The following SULF2 variants were observed in gnomAD, a reference collection of about 807,000 sequenced individuals.
SULF2 encodes extracellular sulfatase Sulf-2.
In SULF2, 52 loss-of-function variants were observed where a neutral mutation model predicts 107.7. That is an observed-to-expected ratio of 0.48 (90% CI 0.39 to 0.61). The LOEUF is 0.61. SULF2 is among the 20% of genes least tolerant of loss of function. The probability of loss-of-function intolerance (pLI) is 0.00; values close to 1 mark genes in which losing one functional copy is unlikely to be tolerated. For missense variants in SULF2, 993 were observed against 1,177.3 expected (o/e 0.84, Z 2.29); for synonymous variants, 460 against 464.3 (o/e 0.99, Z 0.12).
At chr20:47,742,098 A>G (rs574132185) in intron 2 of SULF2, among the ~76,000 whole-genome samples, 1 of 152,362 alleles carries the variant, frequency 6.6e-6, no homozygotes, top group East Asian at 1.9e-4. Context: ...GCATCTGTGC[A>G]TGGGCAGTGC....
rs2087781729 is a variant in SULF2, at chr20:47,680,299, C to T, written c.1065-1495G>A. ...TGTACTTTTAGTAGAGGTGGGGTTT[C>T]ACCATGTTGGCCAGGCTACTCTTGA... On this transcript the variant is annotated intron_variant, in intron 7 of 20. Coordinates refer to ENST00000688720, the MANE Select transcript of SULF2 (RefSeq NM_001387048.1). This position sits in a 1 kb window ranked among gnomAD's most constrained non-coding sequence, Gnocchi z 4.2. Among the ~76,000 whole-genome samples the T allele has an allele frequency of 6.6e-6, 1 of 152,176 alleles. No homozygotes were observed. Among genetic ancestry groups the T allele is most frequent in the African/African-American group, 2.4e-5 (1 of 41,434 alleles).
intron 13 of SULF2, among the ~76,000 whole-genome samples, chr20:47,665,549 G>A (rs927684594): frequency 6.6e-5 from 10 of 152,242 alleles, no homozygotes; most frequent in South Asian, 4.1e-4. Context: ...GCAGGAACCC[G>A]CTGAGCCCAC....
At chr20:47,773,909 A>C (rs2090677436) in intron 1 of SULF2, among the ~76,000 whole-genome samples, 1 of 152,258 alleles carries the variant, frequency 6.6e-6, no homozygotes, top group South Asian at 2.1e-4. Flanking sequence ...TTCCAGAAGA[A>C]TATAAAAGGA....
chr20:47,770,586 C>CA (rs940577396), intron 1 of SULF2, among the ~76,000 whole-genome samples: 154 of 152,284 alleles, frequency 1.0e-3, no homozygotes, highest in African/African-American at 3.5e-3. Flanking sequence ...CAATTTACCG[C>CA]AAAACTTAGT....
At chr20:47,703,237 G>C (rs1305393237) in intron 3 of SULF2, among the ~76,000 whole-genome samples, 1 of 152,196 alleles carries the variant, frequency 6.6e-6, no homozygotes, top group African/African-American at 2.4e-5. Flanking sequence ...GATCATTTCA[G>C]AATAGTTATG....
At chr20:47,672,515 G>A in intron 10 of SULF2, 122 bp from the exon 11 acceptor site, 2 of 1,433,160 alleles carry the variant, frequency 1.4e-6, no homozygotes, top group Non-Finnish European at 1.8e-6. Flanking sequence ...CTGTTACCGA[G>A]CCCCACCTCT....
Position 47,757,173 on chromosome 20 carries a change from G to C in SULF2, c.175+16C>G, listed in dbSNP as rs2090312071. On this transcript the variant is annotated intron_variant, in intron 2 of 20. Coordinates refer to ENST00000688720, the MANE Select transcript of SULF2 (RefSeq NM_001387048.1). ...TCCGAGGGGCCGAGGTGCCACCCTG[G>C]GGCCCCGAGGCTTACCCAGCTCCAC... 1 of 1,540,620 alleles carries C rather than the reference G, an allele frequency of 6.5e-7. No individual in the cohort carries two copies. The highest frequency in any genetic ancestry group is 8.8e-7 in the Non-Finnish European group (1 of 1,138,656).
chr20:47,780,514 T>C (rs2090811179), intron 1 of SULF2, among the ~76,000 whole-genome samples: 1 of 152,162 alleles, frequency 6.6e-6, no homozygotes, highest in Non-Finnish European at 1.5e-5. Flanking sequence ...ACAGCCTGCC[T>C]AAAGTTGCCT....
intron 10 of SULF2, 51 bp from the exon 11 acceptor site, chr20:47,672,444 C>T (rs2146447593): frequency 6.7e-7 from 1 of 1,503,608 alleles, no homozygotes. Flanking sequence ...TCCCCTAAAC[C>T]CGCCTCTCCC....
intron 5 of SULF2, among the ~76,000 whole-genome samples, chr20:47,688,469 C>T (rs149179134): frequency 3.5e-4 from 53 of 152,316 alleles, no homozygotes; most frequent in African/African-American, 1.0e-3. Flanking sequence ...CGGCACCGCT[C>T]GCTGCTGTTT....
chr20:47,698,112 C>G (rs572831708), intron 4 of SULF2, among the ~76,000 whole-genome samples: 1 of 152,234 alleles, frequency 6.6e-6, no homozygotes, highest in Non-Finnish European at 1.5e-5. Flanking sequence ...ATCAGACTTA[C>G]AGGGAGCCCA....
In SULF2 at chr20:47,658,541, A is replaced by G. The variant is rs529052807; in HGVS notation, c.2583-149T>C. ...ACTTAGAACGGGATTGCCACCACCT[A>G]GTCACCTCAATTTTTTGTTTACTTA... On this transcript the variant is annotated intron_variant, in intron 20 of 20. Transcript: ENST00000688720. 7.2e-6 allele frequency: 6 copies of G among 829,576 alleles called. No individual in the cohort carries two copies. The South Asian group carries it at 9.0e-5, about 12-fold the overall frequency. The allele number at this position is 829,576 out of a possible 1,614,324, so 51.4% of individuals were successfully genotyped here.
intron 4 of SULF2, among the ~76,000 whole-genome samples, chr20:47,692,219 C>T (rs757650607): frequency 6.6e-6 from 1 of 152,218 alleles, no homozygotes; most frequent in East Asian, 1.9e-4. Context: ...GAGGTGTCTA[C>T]AGCTTCCACC....
In SULF2 at chr20:47,736,989, G is replaced by A. The variant is rs753412158; in HGVS notation, c.176-47C>T. The stretch of plus-strand genomic sequence containing the variant: ...AAGGCGCAGGGCAGGAGACCCGGGC[G>A]GCACCGGCACCAGGGGGCTCTCAGC... On this transcript the variant is annotated intron_variant, in intron 2 of 20. Coordinates refer to ENST00000688720, the MANE Select transcript of SULF2 (RefSeq NM_001387048.1). 2.4e-5 allele frequency: 39 copies of A among 1,608,432 alleles called. 1 individual carries two copies. Among genetic ancestry groups the A allele is most frequent in the Middle Eastern group, 3.4e-4 (2 of 5,900 alleles).
chr20:47,722,651 G>T (rs755931191), intron 3 of SULF2, among the ~76,000 whole-genome samples: 1 of 152,152 alleles, frequency 6.6e-6, no homozygotes, highest in Non-Finnish European at 1.5e-5. Context: ...AAGTTCACTC[G>T]CCAGGTGCAG....
At chr20:47,668,886 C>T (rs1568788571) in intron 11 of SULF2, among the ~76,000 whole-genome samples, 1 of 152,178 alleles carries the variant, frequency 6.6e-6, no homozygotes, top group Non-Finnish European at 1.5e-5. Flanking sequence ...GACTCACCGC[C>T]CTGATTCTGA....
intron 2 of SULF2, among the ~76,000 whole-genome samples, chr20:47,745,756 C>T (rs762917720): frequency 1.3e-5 from 2 of 151,952 alleles, no homozygotes; most frequent in Non-Finnish European, 2.9e-5. Flanking sequence ...TCTTGAACTC[C>T]TGGCCTTAAG....
chr20:47,697,810 G>C (rs1366960914), intron 4 of SULF2, among the ~76,000 whole-genome samples: 1 of 152,168 alleles, frequency 6.6e-6, no homozygotes, highest in African/African-American at 2.4e-5. Context: ...GAGCACCCCG[G>C]GATAACTTGA....
chr20:47,784,063 A>G (rs1301683143), intron 1 of SULF2, among the ~76,000 whole-genome samples: 1 of 152,126 alleles, frequency 6.6e-6, no homozygotes, highest in African/African-American at 2.4e-5. Context: ...TACAAGCTGA[A>G]ATTTGGAGAG....
Sources: gnomAD v4.1 joint callset for allele counts (sites outside exome capture counted in the v4.1 genomes callset) on GRCh38, gnomAD v4.1.1 for gene constraint, Gnocchi (gnomAD v3.1) non-coding constraint, MANE v1.5 for transcripts, NCBI Gene and HGNC (gene_info 2026-07-23, HGNC 2026-07-21) for gene names.